CSMD1: variants seen among roughly 807,000 people sequenced by gnomAD.
The protein encoded by CSMD1 is CUB and Sushi multiple domains 1.
Under a neutral mutation model 417.5 loss-of-function variants are expected in CSMD1, and 213 were observed. That is an observed-to-expected ratio of 0.51 (90% CI 0.46 to 0.57). The LOEUF (loss-of-function observed/expected upper bound fraction) is 0.57, where lower values mean the gene tolerates loss of function less well. Among genes scored for constraint, CSMD1 ranks in the 20% least tolerant of loss-of-function variants. CSMD1 has a pLI of 0.00. For missense variants in CSMD1, 6,923 were observed against 4,529.7 expected, an observed-to-expected ratio of 1.53 and a Z score of -15.17; for synonymous variants, 2,862 against 1,736.8, an observed-to-expected ratio of 1.65 and a Z score of -16.11.
At position 3,594,617 on chromosome 8, in the gene CSMD1, T is replaced by C. The variant is rs17066505; in HGVS notation, c.1098-8357A>G. Among the ~76,000 whole-genome samples, 468 of 152,258 alleles carry C rather than the reference T, an allele frequency of 3.1e-3. 11 individuals carry two copies. In the East Asian group the frequency reaches 0.065, roughly 21 times the overall value. Reference sequence around the variant, plus strand: ...TTGCACGGTGTCCTTCCCCAGTAGATACAATGACTTAGGTTTATACCCTCT... The same window carrying C: ...TTGCACGGTGTCCTTCCCCAGTAGACACAATGACTTAGGTTTATACCCTCT... On this transcript the variant is annotated intron_variant, in intron 8 of 69. Transcript: ENST00000635120.
chr8:3,530,165 T>C (rs1312909973), intron 10 of CSMD1, among the ~76,000 whole-genome samples: 1 of 152,200 alleles, frequency 6.6e-6, no homozygotes, highest in Admixed American at 6.5e-5. Flanking sequence ...TCTCTATTCA[T>C]CTCTCCTCCA....
chr8:3,167,008 G>A (rs760971536), intron 37 of CSMD1, among the ~76,000 whole-genome samples: 106 of 151,964 alleles, frequency 7.0e-4, no homozygotes, highest in African/African-American at 2.3e-3. Flanking sequence ...TTCACAGGGC[G>A]GGGCACAGTG....
chr8:3,602,303 T>C (rs1322498648), intron 8 of CSMD1, among the ~76,000 whole-genome samples: 1 of 152,148 alleles, frequency 6.6e-6, no homozygotes, highest in Non-Finnish European at 1.5e-5. Flanking sequence ...ACTTTCTCTC[T>C]AGGGCAGATC....
intron 4 of CSMD1, among the ~76,000 whole-genome samples, chr8:4,015,204 A>C (rs1250000718): frequency 6.6e-6 from 1 of 152,208 alleles, no homozygotes; most frequent in African/African-American, 2.4e-5. Context: ...TCTTGTCCTG[A>C]CGTGACAGAT....
At chr8:4,391,401 G>C (rs1417871967) in intron 3 of CSMD1, among the ~76,000 whole-genome samples, 1 of 152,128 alleles carries the variant, frequency 6.6e-6, no homozygotes, top group South Asian at 2.1e-4. Flanking sequence ...AGACTTTGAA[G>C]ACTAGGCTTT....
In CSMD1 at chr8:4,260,988, A is replaced by G. The variant is rs147086242; in HGVS notation, c.415+158965T>C. On this transcript the variant is annotated intron_variant, in intron 3 of 69. Transcript: ENST00000635120. ...CATTGACTTGCCTCTTTTGTAAACA[A>G]CGTATCATTCAATTAAAATACAAAG... Among the ~76,000 whole-genome samples the G allele has an allele frequency of 4.0e-3, 610 of 152,296 alleles. 3 individuals are homozygous for G. The highest frequency in any genetic ancestry group is 0.014 in the African/African-American group (574 of 41,568).
intron 1 of CSMD1, among the ~76,000 whole-genome samples, chr8:4,929,697 T>G (rs939746424): frequency 6.6e-6 from 1 of 152,186 alleles, no homozygotes; most frequent in Non-Finnish European, 1.5e-5. Flanking sequence ...TCTGTTTTAT[T>G]TTTATTTTTT....
chr8:4,033,401 CACTG>C (rs904909650), intron 3 of CSMD1, among the ~76,000 whole-genome samples: 9 of 152,262 alleles, frequency 5.9e-5, no homozygotes, highest in African/African-American at 2.2e-4. Context: ...GAGATCGCAC[CACTG>C]CACTCCAGCG....
chr8:4,022,777 G>T (rs546410505), intron 4 of CSMD1, among the ~76,000 whole-genome samples: 2 of 152,144 alleles, frequency 1.3e-5, no homozygotes, highest in Non-Finnish European at 2.9e-5. Context: ...GAAAACAATT[G>T]TATTCCACAT....
chr8:4,381,505 C>G (rs946088827), intron 3 of CSMD1, among the ~76,000 whole-genome samples: 1 of 152,188 alleles, frequency 6.6e-6, no homozygotes, highest in Non-Finnish European at 1.5e-5. Flanking sequence ...ATAATTTGGA[C>G]AAAACAAGGT....
At chr8:3,262,619 T>C (rs1378627865) in intron 26 of CSMD1, among the ~76,000 whole-genome samples, 1 of 151,938 alleles carries the variant, frequency 6.6e-6, no homozygotes, top group African/African-American at 2.4e-5. Context: ...TTATAGTCAG[T>C]GGAAGCACAG....
At chr8:4,042,991 G>T (rs1467311147) in intron 3 of CSMD1, among the ~76,000 whole-genome samples, 1 of 151,880 alleles carries the variant, frequency 6.6e-6, no homozygotes, top group African/African-American at 2.4e-5. Context: ...AATTAGCTGG[G>T]TGTGGTGACT....
chr8:3,366,743 A>G (rs1340303903), intron 20 of CSMD1, among the ~76,000 whole-genome samples: 1 of 152,188 alleles, frequency 6.6e-6, no homozygotes, highest in Admixed American at 6.5e-5. Context: ...AAGAGAATCG[A>G]GTGAGAAGGG....
chr8:3,188,450 G>A (rs897201128), intron 35 of CSMD1, among the ~76,000 whole-genome samples: 4 of 151,264 alleles, frequency 2.6e-5, no homozygotes, highest in Admixed American at 2.6e-4. Context: ...AGGATTACAG[G>A]CGTATACTAC....
chr8:4,340,212 A>G (rs1258380736), intron 3 of CSMD1, among the ~76,000 whole-genome samples: 1 of 152,010 alleles, frequency 6.6e-6, no homozygotes, highest in Non-Finnish European at 1.5e-5. Context: ...TTCGCCAAGA[A>G]GAGCTTGCTA....
At chr8:3,460,327 C>T (rs1274748164) in intron 12 of CSMD1, among the ~76,000 whole-genome samples, 1 of 152,026 alleles carries the variant, frequency 6.6e-6, no homozygotes, top group African/African-American at 2.4e-5. Context: ...TCAGGAAGTT[C>T]CATGGGACAA....
At chr8:3,736,659 C>T (rs1293904179) in intron 6 of CSMD1, among the ~76,000 whole-genome samples, 2 of 152,182 alleles carry the variant, frequency 1.3e-5, no homozygotes, top group Non-Finnish European at 2.9e-5. Flanking sequence ...CCATCACCTG[C>T]GACCTGGCCT....
chr8:3,884,839 C>A (rs978778190), intron 5 of CSMD1, among the ~76,000 whole-genome samples: 1 of 151,410 alleles, frequency 6.6e-6, no homozygotes, highest in Admixed American at 6.6e-5. Flanking sequence ...CGTCGTCAGT[C>A]TGTGTATGAA....
At chr8:4,025,109 C>G (rs1170331936) in intron 4 of CSMD1, among the ~76,000 whole-genome samples, 2 of 152,152 alleles carry the variant, frequency 1.3e-5, no homozygotes, top group Non-Finnish European at 2.9e-5. Context: ...AAAGGGGACA[C>G]CGAAGGGGCT....
Sources: gnomAD v4.1 joint callset for allele counts (sites outside exome capture counted in the v4.1 genomes callset) on GRCh38, gnomAD v4.1.1 for gene constraint, MANE v1.5 for transcripts, NCBI Gene and HGNC (gene_info 2026-07-23, HGNC 2026-07-21) for gene names.